SPADH: variants seen among roughly 807,000 people sequenced by gnomAD.
SPADH encodes the protein CUB domain-containing protein.
the SPADH span, among the ~76,000 whole-genome samples, chr10:122,676,477 T>C: frequency 6.6e-6 from 1 of 152,358 alleles, no homozygotes; most frequent in South Asian, 2.1e-4. Context: ...GCAATACGAT[T>C]GGTGAGAAAG....
At chr10:122,677,242 G>C in the SPADH span, among the ~76,000 whole-genome samples, 1 of 152,184 alleles carries the variant, frequency 6.6e-6, no homozygotes, top group South Asian at 2.1e-4. Flanking sequence ...CCTCTGCCTG[G>C]AATGCATCCT....
chr10:122,675,758 A>G, the SPADH span: 1 of 401,466 alleles, frequency 2.5e-6, no homozygotes, highest in South Asian at 1.0e-4. Context: ...ATCAATGAGA[A>G]GGGCACGTAC....
At chr10:122,676,735 G>A in the SPADH span, 1 of 985,358 alleles carries the variant, frequency 1.0e-6, no homozygotes, top group South Asian at 4.7e-5. Flanking sequence ...CAGTGCCTGG[G>A]CCCCGTTTCT....
chr10:122,674,762 C>G, the SPADH span, among the ~76,000 whole-genome samples: 1 of 152,210 alleles, frequency 6.6e-6, no homozygotes, highest in Admixed American at 6.5e-5. Context: ...GCCAGGCTAC[C>G]CTGTGCTGGG....
chr10:122,679,253 G>A, the SPADH span, among the ~76,000 whole-genome samples: 1 of 152,074 alleles, frequency 6.6e-6, no homozygotes, highest in East Asian at 1.9e-4. Context: ...CAGCATTTCT[G>A]TACACCCACA....
At chr10:122,677,605 T>C in the SPADH span, among the ~76,000 whole-genome samples, 19 of 152,150 alleles carry the variant, frequency 1.2e-4, no homozygotes, top group Admixed American at 4.6e-4. Context: ...TGTTCACAGA[T>C]TTCAGCATGG....
At chr10:122,679,061 G>T in the SPADH span, 1 of 977,004 alleles carries the variant, frequency 1.0e-6, no homozygotes, top group Non-Finnish European at 1.2e-6. Flanking sequence ...GGAAGATCGG[G>T]GGAAGAGGCA....
chr10:122,676,009 G>A, the SPADH span, among the ~76,000 whole-genome samples: 3 of 152,324 alleles, frequency 2.0e-5, no homozygotes, highest in East Asian at 5.8e-4. Context: ...TAAACACCTG[G>A]AGTCTGGAGA....
chr10:122,678,626 C>A, the SPADH span, among the ~76,000 whole-genome samples: 1 of 152,162 alleles, frequency 6.6e-6, no homozygotes, highest in Admixed American at 6.5e-5. Flanking sequence ...ACCTGCTGCC[C>A]TGGTGGAGGT....
the SPADH span, chr10:122,676,973 T>C: frequency 2.2e-6 from 2 of 912,122 alleles, no homozygotes; most frequent in Non-Finnish European, 2.6e-6. Context: ...ATGGTTCACC[T>C]TCCACCCTAT....
the SPADH span, among the ~76,000 whole-genome samples, chr10:122,675,941 C>A: frequency 3.3e-5 from 5 of 152,310 alleles, no homozygotes; most frequent in South Asian, 8.3e-4. Context: ...GCCTGCTGGG[C>A]AGGGAAAGGA....
chr10:122,677,664 G>T, the SPADH span, among the ~76,000 whole-genome samples: 42 of 152,322 alleles, frequency 2.8e-4, no homozygotes, highest in Middle Eastern at 6.8e-3. Context: ...AGCCCACAAT[G>T]GTGGATGAGA....
At chr10:122,673,513 C>T in the SPADH span, among the ~76,000 whole-genome samples, 4 of 152,148 alleles carry the variant, frequency 2.6e-5, no homozygotes, top group African/African-American at 9.7e-5. Context: ...GTCACTTGCC[C>T]TCTAGAGGGC....
the SPADH span, chr10:122,672,969 GT>G: frequency 2.0e-6 from 2 of 979,364 alleles, no homozygotes; most frequent in Non-Finnish European, 2.4e-6. Flanking sequence ...GCCTCGCACT[GT>G]TTTCCTTTTC....
the SPADH span, chr10:122,677,031 T>A: frequency 4.1e-6 from 2 of 492,974 alleles, no homozygotes; most frequent in African/African-American, 4.2e-5. Flanking sequence ...TCACTTCCTG[T>A]TGAAAGCTTT....
chr10:122,675,896 C>A, the SPADH span, among the ~76,000 whole-genome samples: 1 of 152,084 alleles, frequency 6.6e-6, no homozygotes, highest in South Asian at 2.1e-4. Flanking sequence ...ACCTCCAAGC[C>A]CCCCCGAAGT....
the SPADH span, chr10:122,675,639 A>G: frequency 2.0e-6 from 2 of 984,076 alleles, no homozygotes; most frequent in Non-Finnish European, 2.4e-6. Flanking sequence ...TTTGTCTTTC[A>G]GCCACAACTG....
the SPADH span, among the ~76,000 whole-genome samples, chr10:122,675,430 C>T: frequency 6.6e-6 from 1 of 152,102 alleles, no homozygotes; most frequent in Non-Finnish European, 1.5e-5. Context: ...TGCTTCCTTC[C>T]ATCCTTCTCT....
the SPADH span, among the ~76,000 whole-genome samples, chr10:122,674,989 C>T: frequency 3.9e-5 from 6 of 152,292 alleles, no homozygotes; most frequent in Admixed American, 6.5e-5. Flanking sequence ...CCCAGTGTCA[C>T]GTGCACCGTG....
Sources: allele counts gnomAD v4.1 joint callset (sites outside exome capture counted in the v4.1 genomes callset), GRCh38; gene constraint gnomAD v4.1.1; transcripts MANE v1.5; gene names NCBI Gene and HGNC (gene_info 2026-07-23, HGNC 2026-07-21).